The following TRAF7 variants were observed in gnomAD, a reference collection of about 807,000 sequenced individuals.
TRAF7 encodes E3 ubiquitin-protein ligase TRAF7.
A neutral mutation model predicts 89.3 loss-of-function variants in TRAF7; 45 were observed. The observed-to-expected ratio is 0.50, with a 90% CI of 0.40 to 0.65. The LOEUF (loss-of-function observed/expected upper bound fraction) is 0.65. Ranked by LOEUF, TRAF7 falls within the 30% of genes least tolerant of loss-of-function variation. TRAF7 has a pLI of 0.00. For synonymous variants in TRAF7, 406 were observed against 369.2 expected (o/e 1.10, Z -1.14); for missense variants, 677 against 918.1 (o/e 0.74, Z 3.39).
intron 2 of TRAF7, among the ~76,000 whole-genome samples, chr16:2,164,790 G>A (rs574995535): frequency 9.1e-4 from 55 of 60,458 alleles, no homozygotes; most frequent in African/African-American, 3.8e-3. Context: ...TGTTAGTGCT[G>A]CGTGGCCTGG....
At chr16:2,170,300 G>GGGAAGCA (rs1467694391) in intron 4 of TRAF7, among the ~76,000 whole-genome samples, 2 of 152,188 alleles carry the variant, frequency 1.3e-5, no homozygotes, top group African/African-American at 4.8e-5. Context: ...ATTCCCCCAC[G>GGGAAGCA]GGAAGCAGGA....
chr16:2,165,710 G>T (rs550709720), intron 2 of TRAF7, 169 bp from the exon 3 acceptor site: 13 of 715,996 alleles, frequency 1.8e-5, no homozygotes, highest in South Asian at 7.1e-5. Context: ...CGGCCTGGTC[G>T]CATGATTAAG....
At chr16:2,174,476 C>T (rs2093127186) in intron 14 of TRAF7, 143 bp downstream of exon 14, 7 of 736,596 alleles carry the variant, frequency 9.5e-6, no homozygotes, top group Non-Finnish European at 1.5e-5. Context: ...CGGAGCAGCA[C>T]TGTTTCCTGG....
At chr16:2,175,195 C>T (rs750299996) in intron 15 of TRAF7, 45 bp downstream of exon 15, 9 of 1,612,956 alleles carry the variant, frequency 5.6e-6, no homozygotes, top group South Asian at 1.1e-5. Flanking sequence ...GGCCCAGGCC[C>T]GCCCCAGTCT....
chr16:2,177,021 G>A lies in TRAF7; in HGVS notation c.*447G>A, dbSNP rs917885861. 4 of 331,950 alleles carry A rather than the reference G, an allele frequency of 1.2e-5. No homozygotes were observed. Among genetic ancestry groups the A allele is most frequent in the Admixed American group, 4.3e-5 (1 of 23,168 alleles). The allele number at this position is 331,950 out of a possible 1,614,324, so 20.6% of individuals were successfully genotyped here. ...TGTGCACAGGCACTGGCTGCTGTGA[G>A]TGGGGGGGCATGGGGCAGTTTCCTT... On this transcript the variant is annotated 3_prime_UTR_variant, in exon 21 of 21. Coordinates refer to ENST00000326181, the MANE Select transcript of TRAF7 (RefSeq NM_032271.3).
chr16:2,156,002 CGGTCGGGGTCGG>C (rs1168937758), intron 1 of TRAF7, 144 bp downstream of exon 1: 1 of 125,034 alleles, frequency 8.0e-6, no homozygotes, highest in Non-Finnish European at 1.7e-5. Flanking sequence ...GGGGCTGAGA[CGGTCGGGGTCGG>C]GGTCAGGGTC....
chr16:2,163,663 T>A lies in TRAF7; in HGVS notation c.-38-220T>A. On this transcript the variant is annotated intron_variant, in intron 1 of 20. Transcript: ENST00000326181. The surrounding 1 kb of genome is among the most constrained non-coding windows in gnomAD (Gnocchi z 4.3). Reference sequence around the variant, plus strand: ...AGAAAGGCTAAGCCTTGAGGGACGGTGACGCAGAGCCGCCTGCCTGCCCGG... The same window carrying A: ...AGAAAGGCTAAGCCTTGAGGGACGGAGACGCAGAGCCGCCTGCCTGCCCGG... The A allele has an allele frequency of 1.9e-6, 1 of 538,838 alleles. No homozygotes were observed. Among genetic ancestry groups the A allele is most frequent in the Non-Finnish European group, 3.4e-6 (1 of 298,212 alleles). 33.4% of individuals were successfully genotyped at this position (538,838 alleles called of 1,614,324 possible).
chr16:2,173,497 C>T lies in TRAF7; in HGVS notation c.1029C>T (p.Asn343=). The change falls in exon 11 of 21, where the codon AAC becomes AAT. Residue 343 remains asparagine (N), a synonymous_variant. Transcript: ENST00000326181. ...LELKFDVLDE[N]QSKLSEDLME... The stretch of plus-strand genomic sequence containing the variant: ...GCTACTCAGACGTCCTGGACGAAAA[C>T]CAGAGCAAGCTCAGCGAGGACCTCA... 1.9e-6 allele frequency: 3 copies of T among 1,613,428 alleles called. No individual in the cohort carries two copies. Among genetic ancestry groups the T allele is most frequent in the Non-Finnish European group, 2.5e-6 (3 of 1,179,952 alleles).
Position 2,168,726 on chromosome 16 carries a change from G to C in TRAF7, c.231+558G>C, listed in dbSNP as rs2093096748. On this transcript the variant is annotated intron_variant, in intron 4 of 20. Transcript: ENST00000326181. The surrounding 1 kb of genome is among the most constrained non-coding windows in gnomAD (Gnocchi z 4.1). ...GTGAGGTGCAGAAAGGATCAGGGCA[G>C]TCGGGGGCTGGCTGCTGGTACCTGA... Among the ~76,000 whole-genome samples the C allele has an allele frequency of 6.6e-6, 1 of 152,146 alleles. No individual in the cohort carries two copies.
Position 2,159,237 on chromosome 16 carries a change from T to C in TRAF7, c.-39+3379T>C, listed in dbSNP as rs992949478. 6.1e-5 allele frequency among the ~76,000 whole-genome samples: 9 copies of C among 148,278 alleles called. No homozygotes were observed. Among genetic ancestry groups the C allele is most frequent in the African/African-American group, 2.3e-4 (9 of 39,968 alleles). On this transcript the variant is annotated intron_variant, in intron 1 of 20. Coordinates refer to ENST00000326181, the MANE Select transcript of TRAF7 (RefSeq NM_032271.3). This position sits in a 1 kb window ranked among gnomAD's most constrained non-coding sequence, Gnocchi z 6.5. ...AGTAGGAGCAGAGCTGGGGGAGGAG[T>C]TCAGAGGCCTCTGCAGAGCTGGGGC...
chr16:2,170,692 C>CGCT lies in TRAF7; in HGVS notation c.311_313dup (p.Arg104_Ser105insCys), dbSNP rs1567250723. On this transcript the variant is annotated inframe_insertion, in exon 5 of 21. Coordinates refer to ENST00000326181, the MANE Select transcript of TRAF7 (RefSeq NM_032271.3). ...GCACTCAGAGTCCAGCATGTCTCTG[C>CGCT]GCTCCACATTCTCACTGCCCGAGGA... 1 of 1,607,684 alleles carries CGCT rather than the reference C, an allele frequency of 6.2e-7. No homozygotes were observed. Among genetic ancestry groups the CGCT allele is most frequent in the South Asian group, 1.1e-5 (1 of 89,744 alleles).
rs1258516616 is a variant in TRAF7 at position 2,168,462 on chromosome 16, A to C, written c.231+294A>C. The C allele has an allele frequency of 1.1e-5, 4 of 373,842 alleles. No homozygotes were observed. In the Admixed American group the frequency reaches 1.7e-4, roughly 16 times the overall value. 23.2% of individuals were successfully genotyped at this position (373,842 alleles called of 1,614,324 possible). A position where few individuals can be genotyped will look rare whatever the true frequency, so the allele number is the denominator to read the frequency against. Reference sequence around the variant, plus strand: ...CTCCATCTTAAGGGAGGTGGAAACCACAGAAAGTTCAGTCAGGAGGATAGC... The same window carrying C: ...CTCCATCTTAAGGGAGGTGGAAACCCCAGAAAGTTCAGTCAGGAGGATAGC... On this transcript the variant is annotated intron_variant, in intron 4 of 20. Coordinates refer to ENST00000326181, the MANE Select transcript of TRAF7 (RefSeq NM_032271.3). This position sits in a 1 kb window ranked among gnomAD's most constrained non-coding sequence, Gnocchi z 4.1.
At position 2,176,315 on chromosome 16, in the gene TRAF7, G is replaced by GGGCAGTGTCACCGCGCT; in HGVS notation, c.1933_1949dup (p.Arg653ProfsTer19). The GGGCAGTGTCACCGCGCT allele has an allele frequency of 6.2e-7, 1 of 1,604,862 alleles. No homozygotes were observed. The highest frequency in any genetic ancestry group is 8.5e-7 in the Non-Finnish European group (1 of 1,178,870). On this transcript the variant is annotated frameshift_variant, in exon 20 of 21. Coordinates refer to ENST00000326181, the MANE Select transcript of TRAF7 (RefSeq NM_032271.3). LOFTEE classifies it high-confidence loss of function. ...GCACGCAGACCCTGCTGCGTCACCA[G>GGGCAGTGTCACCGCGCT]GGCAGTGTCACCGCGCTGGCTGTGT...
rs1356010231 is a variant in TRAF7 at position 2,163,038 on chromosome 16, G to C, written c.-38-845G>C. 6.6e-6 allele frequency among the ~76,000 whole-genome samples: 1 copy of C among 152,176 alleles called. No individual in the cohort carries two copies. The highest frequency in any genetic ancestry group is 2.4e-5 in the African/African-American group (1 of 41,432). On this transcript the variant is annotated intron_variant, in intron 1 of 20. Transcript: ENST00000326181. This position sits in a 1 kb window ranked among gnomAD's most constrained non-coding sequence, Gnocchi z 4.3. ...CCGGGCTCTGTCCTGGGTGTGACCT[G>C]TTGGCTGGGTCTCTTTTTCTCTCTA...
At chr16:2,173,862 C>CT in intron 12 of TRAF7, 26 bp downstream of exon 12, 1 of 648,074 alleles carries the variant, frequency 1.5e-6, no homozygotes, top group Non-Finnish European at 2.7e-6. Flanking sequence ...CCGTGGCTCC[C>CT]GCCCACCCTC....
chr16:2,163,212 C>A lies in TRAF7; in HGVS notation c.-38-671C>A, dbSNP rs1054821194. Among the ~76,000 whole-genome samples the A allele has an allele frequency of 6.6e-6, 1 of 152,212 alleles. No individual in the cohort carries two copies. The highest frequency in any genetic ancestry group is 1.9e-4 in the East Asian group (1 of 5,198). On this transcript the variant is annotated intron_variant, in intron 1 of 20. Coordinates refer to ENST00000326181, the MANE Select transcript of TRAF7 (RefSeq NM_032271.3). The surrounding 1 kb of genome is among the most constrained non-coding windows in gnomAD (Gnocchi z 4.3). ...TCTCCCTGCCCCCCCACCCACCAGC[C>A]CCTGAGCCCCTGTGGCGTGGCTGGG...
Position 2,163,409 on chromosome 16 carries a change from C to G in TRAF7, c.-38-474C>G. 5.7e-6 allele frequency: 1 copy of G among 176,606 alleles called. No homozygotes were observed. The highest frequency in any genetic ancestry group is 1.2e-5 in the Non-Finnish European group (1 of 81,212). The allele number at this position is 176,606 out of a possible 1,614,324, so 10.9% of individuals were successfully genotyped here. A position where few individuals can be genotyped will look rare whatever the true frequency, so the allele number is the denominator to read the frequency against. On this transcript the variant is annotated intron_variant, in intron 1 of 20. Transcript: ENST00000326181. This position sits in a 1 kb window ranked among gnomAD's most constrained non-coding sequence, Gnocchi z 4.3. ...AGCCTGGTGCTGGCTGGGTCCTGAC[C>G]GCACCTGTCGTGGCAGGAAACACAT... is the stretch of plus-strand genomic sequence containing the variant.
At chr16:2,171,834 CAGTG>C (rs1000879318) in intron 7 of TRAF7, among the ~76,000 whole-genome samples, 1 of 152,220 alleles carries the variant, frequency 6.6e-6, no homozygotes, top group African/African-American at 2.4e-5. Flanking sequence ...AGAGACCCCA[CAGTG>C]GGTGTGGGCC....
rs1266182974 is a variant in TRAF7, at chr16:2,177,630, A to G, written c.*1056A>G. On this transcript the variant is annotated 3_prime_UTR_variant, in exon 21 of 21. Coordinates refer to ENST00000326181, the MANE Select transcript of TRAF7 (RefSeq NM_032271.3). ...GATGGGCTGCCTGCACAGCCCCTGGAGAGGGGGCCAGGCACACCCTCAGAG... is the reference window on the plus strand; with the variant it reads ...GATGGGCTGCCTGCACAGCCCCTGGGGAGGGGGCCAGGCACACCCTCAGAG... The G allele has an allele frequency of 1.3e-5, 3 of 236,780 alleles. No individual in the cohort carries two copies. The highest frequency in any genetic ancestry group is 6.1e-5 in the East Asian group (1 of 16,458). 14.7% of individuals were successfully genotyped at this position (236,780 alleles called of 1,614,324 possible).
Sources: allele counts gnomAD v4.1 joint callset (sites outside exome capture counted in the v4.1 genomes callset), GRCh38; gene constraint gnomAD v4.1.1; non-coding constraint Gnocchi (gnomAD v3.1); transcripts MANE v1.5; gene names NCBI Gene and HGNC (gene_info 2026-07-23, HGNC 2026-07-21).